SLC9A2: variants seen among roughly 807,000 people sequenced by gnomAD.
SLC9A2 encodes the protein solute carrier family 9 member A2.
SLC9A2 carries 42 observed loss-of-function variants against 71.7 expected under a neutral mutation model. That is an observed-to-expected ratio of 0.59 (90% CI 0.46 to 0.76). The LOEUF is 0.76. SLC9A2 is among the 30% of genes least tolerant of loss of function. The pLI, the probability that SLC9A2 is intolerant of heterozygous loss-of-function variation, is 0.00. For synonymous variants in SLC9A2, 396 were observed against 392.5 expected (o/e 1.01, Z -0.10); for missense variants, 829 against 1,017.4 (o/e 0.81, Z 2.52).
intron 1 of SLC9A2, among the ~76,000 whole-genome samples, chr2:102,626,319 G>A (rs1208488125): frequency 6.6e-6 from 1 of 152,076 alleles, no homozygotes. Flanking sequence ...CAAGAAATGG[G>A]GAAAGGATTC....
At chr2:102,623,377 C>T (rs1410707260) in intron 1 of SLC9A2, among the ~76,000 whole-genome samples, 2 of 152,106 alleles carry the variant, frequency 1.3e-5, no homozygotes, top group African/African-American at 2.4e-5. Flanking sequence ...GTATTTTCTC[C>T]AGATTCGTCT....
Position 102,708,339 on chromosome 2 carries a change from A to G in SLC9A2, c.2289A>G (p.Leu763=), listed in dbSNP as rs1261491557. Reference sequence around the variant, plus strand: ...AGGGCACCCAGACGTCAGGCTTACTACAGCAGCCCCTTCTCTCTAAAGACC... The same window carrying G: ...AGGGCACCCAGACGTCAGGCTTACTGCAGCAGCCCCTTCTCTCTAAAGACC... ...REKGTQTSGL[L]QQPLLSKDQS... Residue 763 remains leucine (L), a synonymous_variant, in exon 12 of 12, where the codon CTA becomes CTG. Transcript: ENST00000233969. 12 of 1,614,078 alleles carry G rather than the reference A, an allele frequency of 7.4e-6. No individual in the cohort carries two copies. Among genetic ancestry groups the G allele is most frequent in the African/African-American group, 1.3e-5 (1 of 74,916 alleles).
rs59553931 is a variant in SLC9A2, at chr2:102,631,995, GATATATATATATATATATATATAT to G, written c.289+11878_289+11901del. Among the ~76,000 whole-genome samples the G allele has an allele frequency of 4.4e-4, 19 of 43,228 alleles. 1 individual carries two copies. The highest frequency in any genetic ancestry group is 6.5e-4 in the East Asian group (1 of 1,540). 28.4% of individuals were successfully genotyped at this position (43,228 alleles called of 152,430 possible). On this transcript the variant is annotated intron_variant, in intron 1 of 11. Transcript: ENST00000233969. The stretch of plus-strand genomic sequence containing the variant: ...CTTCCATTTAATTAATGAAAGTGGG[GATATATATATATATATATATATAT>G]ATATATATATATATATATACATACA...
At position 102,644,843 on chromosome 2, in the gene SLC9A2, C is replaced by A. The variant is rs547088478; in HGVS notation, c.290-12721C>A. 1.6e-3 allele frequency among the ~76,000 whole-genome samples: 239 copies of A among 152,300 alleles called. 1 individual carries two copies. Among genetic ancestry groups the A allele is most frequent in the African/African-American group, 5.1e-3 (213 of 41,558 alleles). On this transcript the variant is annotated intron_variant, in intron 1 of 11. Transcript: ENST00000233969. ...ACTCCCAACTCCCTGGGACAGAGCACCCGCGAGAAGGGGCAGCTGCAGGCA... is the reference window on the plus strand; with the variant it reads ...ACTCCCAACTCCCTGGGACAGAGCAACCGCGAGAAGGGGCAGCTGCAGGCA...
Position 102,667,538 on chromosome 2 carries a change from C to T in SLC9A2, c.1004+2188C>T, listed in dbSNP as rs1347879433. Reference sequence around the variant, plus strand: ...GGGAATCCTGGTGCATCCCCCATGTCGGTGATGGAAGGGTTGGAAGGCCTA... The same window carrying T: ...GGGAATCCTGGTGCATCCCCCATGTTGGTGATGGAAGGGTTGGAAGGCCTA... On this transcript the variant is annotated intron_variant, in intron 3 of 11. Coordinates refer to ENST00000233969, the MANE Select transcript of SLC9A2 (RefSeq NM_003048.6). Among the ~76,000 whole-genome samples, 10 of 152,154 alleles carry T rather than the reference C, an allele frequency of 6.6e-5. No individual in the cohort carries two copies. In the South Asian group the frequency reaches 1.2e-3, roughly 19 times the overall value.
At chr2:102,681,582 T>G (rs1166130807) in intron 3 of SLC9A2, among the ~76,000 whole-genome samples, 1 of 152,264 alleles carries the variant, frequency 6.6e-6, no homozygotes, top group East Asian at 1.9e-4. Flanking sequence ...CTGTGAAGAT[T>G]GACTGTTTTT....
intron 1 of SLC9A2, among the ~76,000 whole-genome samples, chr2:102,625,876 G>C (rs1484993144): frequency 6.6e-6 from 1 of 152,164 alleles, no homozygotes; most frequent in African/African-American, 2.4e-5. Flanking sequence ...TCTAGTTCTA[G>C]ATACCTGAGG....
chr2:102,663,717 C>T (rs1677086041), intron 2 of SLC9A2, among the ~76,000 whole-genome samples: 1 of 152,188 alleles, frequency 6.6e-6, no homozygotes. Context: ...CACAGCCTTT[C>T]TCCCTAACGT....
chr2:102,696,722 C>A (rs1677775660), intron 7 of SLC9A2, among the ~76,000 whole-genome samples: 1 of 152,180 alleles, frequency 6.6e-6, no homozygotes, highest in South Asian at 2.1e-4. Flanking sequence ...AGACAGGGCC[C>A]TGGGACTCAG....
At chr2:102,644,706 A>G (rs1241007987) in intron 1 of SLC9A2, among the ~76,000 whole-genome samples, 1 of 152,170 alleles carries the variant, frequency 6.6e-6, no homozygotes, top group Non-Finnish European at 1.5e-5. Flanking sequence ...TGCAGAACTC[A>G]TGGCAGTGTG....
chr2:102,683,155 T>C (rs1677487120), intron 3 of SLC9A2, 106 bp from the exon 4 acceptor site: 2 of 755,438 alleles, frequency 2.6e-6, no homozygotes, highest in Non-Finnish European at 2.3e-6. Flanking sequence ...GATGTTGTAG[T>C]CTTGGGCAGA....
intron 1 of SLC9A2, among the ~76,000 whole-genome samples, chr2:102,629,702 T>C (rs1227581812): frequency 6.6e-6 from 1 of 152,126 alleles, no homozygotes; most frequent in East Asian, 1.9e-4. Flanking sequence ...AATTATATAT[T>C]CTTTTGCTAT....
intron 3 of SLC9A2, among the ~76,000 whole-genome samples, chr2:102,677,886 T>G (rs757102992): frequency 6.6e-6 from 1 of 152,198 alleles, no homozygotes; most frequent in Non-Finnish European, 1.5e-5. Context: ...TCCTCATCTC[T>G]TAACATTTTC....
At chr2:102,686,547 A>G (rs900148479) in intron 5 of SLC9A2, 4 of 152,034 alleles carry the variant, frequency 2.6e-5, no homozygotes, top group African/African-American at 9.7e-5. Flanking sequence ...TATTATCAAC[A>G]CCTTTCTGCT....
At position 102,660,508 on chromosome 2, in the gene SLC9A2, T is replaced by C. The variant is rs577915429; in HGVS notation, c.753+2481T>C. On this transcript the variant is annotated intron_variant, in intron 2 of 11. Coordinates refer to ENST00000233969, the MANE Select transcript of SLC9A2 (RefSeq NM_003048.6). ...CTCTCGCTGAATTGTCTGAGTACTG[T>C]ACTGAATTGAGCGTGTGTTAAGAAT... Among the ~76,000 whole-genome samples the C allele has an allele frequency of 6.6e-5, 10 of 152,378 alleles. No homozygotes were observed. The South Asian group carries it at 2.1e-3, about 32-fold the overall frequency.
intron 5 of SLC9A2, among the ~76,000 whole-genome samples, chr2:102,685,507 GC>G (rs1444048329): frequency 6.6e-6 from 1 of 152,240 alleles, no homozygotes; most frequent in Non-Finnish European, 1.5e-5. Context: ...CAGCATGGAA[GC>G]CCTGCAGTCA....
intron 3 of SLC9A2, among the ~76,000 whole-genome samples, chr2:102,678,512 T>C (rs1677387208): frequency 6.6e-6 from 1 of 152,120 alleles, no homozygotes; most frequent in Non-Finnish European, 1.5e-5. Flanking sequence ...ATTTAGGTTA[T>C]TATTTTGTTG....
At chr2:102,642,808 A>C (rs1558704946) in intron 1 of SLC9A2, among the ~76,000 whole-genome samples, 1 of 152,204 alleles carries the variant, frequency 6.6e-6, no homozygotes, top group Non-Finnish European at 1.5e-5. Flanking sequence ...GAGTTTTAAA[A>C]TTACAACTTC....
intron 2 of SLC9A2, among the ~76,000 whole-genome samples, chr2:102,662,943 C>G (rs550981435): frequency 2.0e-4 from 30 of 152,256 alleles, no homozygotes; most frequent in South Asian, 6.2e-4. Context: ...GCCTGAGTGG[C>G]CCTGGAGAGA....
Sources: gnomAD v4.1 joint callset for allele counts (sites outside exome capture counted in the v4.1 genomes callset) on GRCh38, gnomAD v4.1.1 for gene constraint, MANE v1.5 for transcripts, NCBI Gene and HGNC (gene_info 2026-07-23, HGNC 2026-07-21) for gene names.